The following RBM33 variants were observed in gnomAD, a reference collection of about 807,000 sequenced individuals.
RBM33 encodes the protein RNA-binding protein 33.
Under a neutral mutation model 132.6 loss-of-function variants are expected in RBM33, and 28 were observed. The ratio of observed to expected loss-of-function variants is 0.21; its 90% CI spans 0.16 to 0.29. The LOEUF is 0.29. RBM33 is among the 10% of genes least tolerant of loss of function. The probability of loss-of-function intolerance (pLI) is 1.00; values close to 1 mark genes in which losing one functional copy is unlikely to be tolerated. For missense variants in RBM33, 1,291 were observed against 1,518.5 expected, an observed-to-expected ratio of 0.85 and a Z score of 2.49; for synonymous variants, 634 against 593.0, an observed-to-expected ratio of 1.07 and a Z score of -1.01.
At chr7:155,650,444 A>C (rs1798324308) in intron 1 of RBM33, among the ~76,000 whole-genome samples, 1 of 152,204 alleles carries the variant, frequency 6.6e-6, no homozygotes, top group Non-Finnish European at 1.5e-5. Context: ...CTAAGCATGC[A>C]TTCTGGGGTT....
intron 14 of RBM33, chr7:155,746,433 T>G (rs1801518391): frequency 6.6e-6 from 1 of 152,198 alleles, no homozygotes; most frequent in East Asian, 1.9e-4. Flanking sequence ...CCACATGCTT[T>G]CAGAAGTGGA....
rs1585429979 is a variant in RBM33 at position 155,680,614 on chromosome 7, G to C, written c.273G>C (p.Leu91=). The change falls in exon 5 of 18, where the codon CTG becomes CTC. Residue 91 remains leucine (L), a synonymous_variant. Transcript: ENST00000401878. The part of the protein sequence containing the change: ...NFSSQGVTIS[L]NATSGMVTSF... Reference sequence around the variant, plus strand: ...GTTCTCAGGGTGTTACAATTAGTCTGAATGCTACATCTGGCATGGTTACAT... The same window carrying C: ...GTTCTCAGGGTGTTACAATTAGTCTCAATGCTACATCTGGCATGGTTACAT... 2 of 1,601,296 alleles carry C rather than the reference G, an allele frequency of 1.2e-6. No homozygotes were observed. Among genetic ancestry groups the C allele is most frequent in the East Asian group, 4.5e-5 (2 of 44,614 alleles).
At chr7:155,686,409 AG>A (rs1182440769) in intron 5 of RBM33, among the ~76,000 whole-genome samples, 1 of 152,104 alleles carries the variant, frequency 6.6e-6, no homozygotes, top group Non-Finnish European at 1.5e-5. Flanking sequence ...GGTGGTAAAT[AG>A]TTGAGAGAGA....
At chr7:155,661,689 T>C (rs1172230062) in intron 1 of RBM33, among the ~76,000 whole-genome samples, 5 of 152,200 alleles carry the variant, frequency 3.3e-5, no homozygotes, top group Admixed American at 3.3e-4. Context: ...ATTACAGGTG[T>C]GAGCCACTGC....
intron 14 of RBM33, among the ~76,000 whole-genome samples, chr7:155,758,411 C>T (rs1356842894): frequency 6.6e-6 from 1 of 152,184 alleles, no homozygotes; most frequent in Non-Finnish European, 1.5e-5. Flanking sequence ...CACCTCAGAT[C>T]ATCAGACATT....
chr7:155,737,796 A>G lies in RBM33; in HGVS notation c.1393+134A>G. 2.8e-6 allele frequency: 3 copies of G among 1,058,410 alleles called. No homozygotes were observed. In the South Asian group the frequency reaches 5.3e-5, roughly 19 times the overall value. The allele number at this position is 1,058,410 out of a possible 1,614,324, so 65.6% of individuals were successfully genotyped here. A position where few individuals can be genotyped will look rare whatever the true frequency, so the allele number is the denominator to read the frequency against. On this transcript the variant is annotated intron_variant, in intron 10 of 17. Transcript: ENST00000401878. Reference sequence around the variant, plus strand: ...GAATGCCAGGTTTTTGTACCATAGCAGTTCTGCCTGTCATTTCAGGTGCTA... The same window carrying G: ...GAATGCCAGGTTTTTGTACCATAGCGGTTCTGCCTGTCATTTCAGGTGCTA...
chr7:155,684,656 A>G (rs945785007), intron 5 of RBM33, among the ~76,000 whole-genome samples: 2 of 151,994 alleles, frequency 1.3e-5, no homozygotes, highest in Admixed American at 1.3e-4. Context: ...CGTGCTGTTG[A>G]TTTGCAGAGG....
chr7:155,742,169 A>T, intron 13 of RBM33, 63 bp downstream of exon 13: 1 of 1,450,918 alleles, frequency 6.9e-7, no homozygotes, highest in Non-Finnish European at 9.3e-7. Flanking sequence ...ATCAACTTGG[A>T]TGTCTTAGTT....
At chr7:155,721,449 G>A (rs925386682) in intron 9 of RBM33, among the ~76,000 whole-genome samples, 3 of 152,006 alleles carry the variant, frequency 2.0e-5, no homozygotes, top group Non-Finnish European at 2.9e-5. Flanking sequence ...ATTCAAGAAC[G>A]TATGTGAATT....
At chr7:155,747,994 G>A (rs1801572070) in intron 14 of RBM33, among the ~76,000 whole-genome samples, 1 of 152,206 alleles carries the variant, frequency 6.6e-6, no homozygotes, top group Non-Finnish European at 1.5e-5. Context: ...CCTGGCTGCT[G>A]GAGAGGCATT....
intron 1 of RBM33, among the ~76,000 whole-genome samples, chr7:155,653,204 T>C (rs1200052920): frequency 6.6e-6 from 1 of 152,124 alleles, no homozygotes; most frequent in Non-Finnish European, 1.5e-5. Flanking sequence ...TTCAGTTCTT[T>C]TGAGTGTATA....
chr7:155,728,357 C>T (rs1800853780), intron 9 of RBM33, among the ~76,000 whole-genome samples: 1 of 152,136 alleles, frequency 6.6e-6, no homozygotes, highest in Non-Finnish European at 1.5e-5. Context: ...TGTTACCTCC[C>T]TCCTCACTGC....
intron 9 of RBM33, among the ~76,000 whole-genome samples, chr7:155,726,001 A>T (rs73167155): frequency 0.064 from 9,672 of 152,272 alleles, 460 homozygotes; most frequent in African/African-American, 0.13. Context: ...ACATATTGTG[A>T]TAGAGGGCTG....
chr7:155,729,767 T>C (rs1162108678), intron 9 of RBM33, among the ~76,000 whole-genome samples: 1 of 151,434 alleles, frequency 6.6e-6, no homozygotes, highest in African/African-American at 2.4e-5. Context: ...AAAAATTCTG[T>C]CATACATGTA....
At chr7:155,737,785 T>G (rs1163361338) in intron 10 of RBM33, 123 bp downstream of exon 10, 1 of 1,151,976 alleles carries the variant, frequency 8.7e-7, no homozygotes, top group African/African-American at 1.6e-5. Flanking sequence ...GCCAGGTTTT[T>G]GTACCATAGC....
intron 1 of RBM33, among the ~76,000 whole-genome samples, chr7:155,655,534 CT>C (rs756948005): frequency 7.9e-4 from 63 of 80,118 alleles, no homozygotes; most frequent in Admixed American, 1.6e-3. Context: ...GGCTGTTTGC[CT>C]TTTTTTTTTT....
chr7:155,724,171 G>C (rs566724276), intron 9 of RBM33, among the ~76,000 whole-genome samples: 2 of 151,992 alleles, frequency 1.3e-5, no homozygotes, highest in African/African-American at 4.8e-5. Context: ...TTTCCCAGGA[G>C]TTGTTGAAGA....
At chr7:155,657,441 C>T (rs942793768) in intron 1 of RBM33, among the ~76,000 whole-genome samples, 2 of 152,190 alleles carry the variant, frequency 1.3e-5, no homozygotes, top group Non-Finnish European at 2.9e-5. Flanking sequence ...GGTTATAATA[C>T]TTGTTATTAG....
rs888265314 is a variant in RBM33, at chr7:155,738,541, T to C, written c.1737+138T>C. 1.8e-5 allele frequency: 16 copies of C among 865,148 alleles called. No homozygotes were observed. The East Asian group carries it at 4.0e-4, about 22-fold the overall frequency. 53.6% of individuals were successfully genotyped at this position (865,148 alleles called of 1,614,324 possible). A position where few individuals can be genotyped will look rare whatever the true frequency, so the allele number is the denominator to read the frequency against. ...TAGAGTATTAGTCTCAAATGTACTG[T>C]TTGTTAAAGACAACTTTTTTCAACA... On this transcript the variant is annotated intron_variant, in intron 11 of 17. Coordinates refer to ENST00000401878, the MANE Select transcript of RBM33 (RefSeq NM_053043.3).
Sources: allele counts gnomAD v4.1 joint callset (sites outside exome capture counted in the v4.1 genomes callset), GRCh38; gene constraint gnomAD v4.1.1; transcripts MANE v1.5; gene names NCBI Gene and HGNC (gene_info 2026-07-23, HGNC 2026-07-21).